Variants in ALG14 observed in about 807,000 individuals in gnomAD.
ALG14 encodes the protein ALG14 UDP-N-acetylglucosaminyltransferase subunit, also known as UDP-N-acetylglucosamine transferase subunit ALG14.
Under a neutral mutation model 22.8 loss-of-function variants are expected in ALG14, and 17 were observed. The observed-to-expected ratio is 0.75, with a 90% CI of 0.51 to 1.12. The LOEUF (loss-of-function observed/expected upper bound fraction) is 1.12. Among genes scored for constraint, ALG14 ranks in the 50% most tolerant of loss-of-function variants. The pLI is 0.00. For missense variants in ALG14, 288 were observed against 271.8 expected (o/e 1.06, Z -0.42); for synonymous variants, 89 against 103.7 (o/e 0.86, Z 0.86).
chr1:95,026,030 T>C (rs557695139), intron 3 of ALG14, among the ~76,000 whole-genome samples: 3 of 152,306 alleles, frequency 2.0e-5, no homozygotes, highest in South Asian at 2.1e-4. Flanking sequence ...CCTCCGGGGT[T>C]CACACCATTC....
intron 2 of ALG14, among the ~76,000 whole-genome samples, chr1:95,036,615 C>T (rs1308610761): frequency 3.3e-5 from 5 of 151,676 alleles, no homozygotes; most frequent in East Asian, 3.9e-4. Context: ...TTAGTAGAGA[C>T]GGGGTTTCAC....
intron 3 of ALG14, among the ~76,000 whole-genome samples, chr1:94,994,220 GTGA>G (rs1379963903): frequency 3.9e-4 from 59 of 152,204 alleles, no homozygotes; most frequent in African/African-American, 1.4e-3. Flanking sequence ...CTGGACCAAG[GTGA>G]TGATTTCCTG....
intron 2 of ALG14, chr1:95,035,688 T>C (rs1245783370): frequency 6.6e-6 from 1 of 152,242 alleles, no homozygotes; most frequent in Non-Finnish European, 1.5e-5. Context: ...CAAACATATC[T>C]GGCTTTAGAT....
At chr1:95,066,928 A>G (rs772788273) in intron 1 of ALG14, 2 of 152,240 alleles carry the variant, frequency 1.3e-5, no homozygotes, top group Non-Finnish European at 2.9e-5. Flanking sequence ...GGAATAATTA[A>G]GGATAAAACC....
At chr1:94,985,351 T>A (rs1298202011) in intron 3 of ALG14, among the ~76,000 whole-genome samples, 1 of 152,250 alleles carries the variant, frequency 6.6e-6, no homozygotes, top group Non-Finnish European at 1.5e-5. Flanking sequence ...TGCATCTTAC[T>A]TAGCGTGCTT....
Position 95,072,889 on chromosome 1 carries a change from C to T in ALG14, c.10G>A (p.Val4Ile), listed in dbSNP as rs745413537. ...CCTGCGGCCGCAGCTAGAACGAGAACGCACACCATGCAGAGAAACGGCGCA... is the reference window on the plus strand; with the variant it reads ...CCTGCGGCCGCAGCTAGAACGAGAATGCACACCATGCAGAGAAACGGCGCA... The part of the protein sequence containing the change: MVC[V>I]LVLAAAAGAV... The change falls in exon 1 of 4, where the codon GTT becomes ATT. Residue 4 changes from valine (V) to isoleucine (I), a missense_variant. Transcript: ENST00000370205. 1.2e-6 allele frequency: 2 copies of T among 1,614,022 alleles called. No homozygotes were observed. The highest frequency in any genetic ancestry group is 4.5e-5 in the East Asian group (2 of 44,866).
intron 3 of ALG14, among the ~76,000 whole-genome samples, chr1:95,010,819 G>C (rs1182045006): frequency 6.6e-6 from 1 of 152,020 alleles, no homozygotes; most frequent in Non-Finnish European, 1.5e-5. Context: ...AGAAAAGATA[G>C]TTCTTGACTA....
At chr1:95,057,622 C>CTGTGTG (rs139544863) in intron 2 of ALG14, among the ~76,000 whole-genome samples, 6,048 of 143,826 alleles carry the variant, frequency 0.042, 163 homozygotes, top group East Asian at 0.071. Context: ...AGATGACCAT[C>CTGTGTG]TGTGTGTGTG....
At chr1:95,031,610 CAG>C in intron 2 of ALG14, among the ~76,000 whole-genome samples, 1 of 152,338 alleles carries the variant, frequency 6.6e-6, no homozygotes, top group East Asian at 1.9e-4. Flanking sequence ...CCGTTCTCCT[CAG>C]AGATATCTTT....
At chr1:95,011,935 A>G (rs1451531512) in intron 3 of ALG14, among the ~76,000 whole-genome samples, 3 of 152,206 alleles carry the variant, frequency 2.0e-5, no homozygotes, top group Non-Finnish European at 4.4e-5. Flanking sequence ...CTCATCTTGA[A>G]TTGTAGCTCC....
chr1:94,995,085 G>A lies in ALG14; in HGVS notation c.421-11779C>T, dbSNP rs115911606. Among the ~76,000 whole-genome samples, 1,269 of 152,242 alleles carry A rather than the reference G, an allele frequency of 8.3e-3. 9 individuals carry two copies. Among genetic ancestry groups the A allele is most frequent in the Non-Finnish European group, 0.013 (877 of 68,008 alleles). On this transcript the variant is annotated intron_variant, in intron 3 of 3. Coordinates refer to ENST00000370205, the MANE Select transcript of ALG14 (RefSeq NM_144988.4). ...TGACACTTCCTTAATTTTTGTACACGTACCTATGTATTAAATTTCTATCTT... is the reference window on the plus strand; with the variant it reads ...TGACACTTCCTTAATTTTTGTACACATACCTATGTATTAAATTTCTATCTT...
chr1:95,036,679 G>C (rs899797105), intron 2 of ALG14, among the ~76,000 whole-genome samples: 1 of 151,956 alleles, frequency 6.6e-6, no homozygotes, highest in Non-Finnish European at 1.5e-5. Flanking sequence ...CGCCCACCTC[G>C]ACCTCCCAAA....
chr1:95,009,992 C>T (rs1673319752), intron 3 of ALG14, among the ~76,000 whole-genome samples: 1 of 152,126 alleles, frequency 6.6e-6, no homozygotes, highest in Non-Finnish European at 1.5e-5. Context: ...CTTTAACAGG[C>T]ATTTGAAATT....
chr1:95,053,651 C>A (rs1031687915), intron 2 of ALG14, among the ~76,000 whole-genome samples: 1 of 152,100 alleles, frequency 6.6e-6, no homozygotes, highest in African/African-American at 2.4e-5. Flanking sequence ...ACCTCAAACT[C>A]CTGGGTTCAA....
In ALG14 at chr1:95,035,891, A is replaced by G. The variant is rs1358189673; in HGVS notation, c.289-8631T>C. On this transcript the variant is annotated intron_variant, in intron 2 of 3. Coordinates refer to ENST00000370205, the MANE Select transcript of ALG14 (RefSeq NM_144988.4). Reference sequence around the variant, plus strand: ...CACACGACTGAAAAGTCCTGGAAACAAGACAAAGTTAAAATGGTAAAATTT... The same window carrying G: ...CACACGACTGAAAAGTCCTGGAAACGAGACAAAGTTAAAATGGTAAAATTT... 3 of 152,260 alleles carry G rather than the reference A, an allele frequency of 2.0e-5. No homozygotes were observed. Among genetic ancestry groups the G allele is most frequent in the Non-Finnish European group, 4.4e-5 (3 of 68,050 alleles). 9.4% of individuals were successfully genotyped at this position (152,260 alleles called of 1,614,324 possible). A position where few individuals can be genotyped will look rare whatever the true frequency, so the allele number is the denominator to read the frequency against.
At chr1:95,045,797 A>C (rs1025982159) in intron 2 of ALG14, among the ~76,000 whole-genome samples, 3 of 149,440 alleles carry the variant, frequency 2.0e-5, no homozygotes, top group African/African-American at 7.3e-5. Context: ...GAATTAGTAT[A>C]CTAATAGAAT....
chr1:95,005,772 G>C (rs1433666151), intron 3 of ALG14, among the ~76,000 whole-genome samples: 2 of 152,194 alleles, frequency 1.3e-5, no homozygotes, highest in African/African-American at 4.8e-5. Context: ...AGGGGGATTT[G>C]TGTTTGTTAT....
intron 1 of ALG14, among the ~76,000 whole-genome samples, chr1:95,071,966 G>A (rs1047958957): frequency 6.6e-6 from 1 of 152,104 alleles, no homozygotes; most frequent in Non-Finnish European, 1.5e-5. Context: ...GACTTAGCAC[G>A]GAGTCAGCAC....
intron 3 of ALG14, among the ~76,000 whole-genome samples, chr1:95,007,464 T>C (rs1240308016): frequency 6.6e-6 from 1 of 152,228 alleles, no homozygotes; most frequent in East Asian, 1.9e-4. Flanking sequence ...GCCTTAAGCT[T>C]GAATCTGGTA....
Sources: gnomAD v4.1 joint callset for allele counts (sites outside exome capture counted in the v4.1 genomes callset) on GRCh38, gnomAD v4.1.1 for gene constraint, MANE v1.5 for transcripts, NCBI Gene and HGNC (gene_info 2026-07-23, HGNC 2026-07-21) for gene names.